FBXL2: variants seen among roughly 807,000 people sequenced by gnomAD.
FBXL2 encodes the protein F-box/LRR-repeat protein 2.
FBXL2 carries 38 observed loss-of-function variants against 69.2 expected under a neutral mutation model. The observed-to-expected ratio is 0.55, with a 90% CI of 0.42 to 0.72. The LOEUF is 0.72. Ranked by LOEUF, FBXL2 falls within the 30% of genes least tolerant of loss-of-function variation. FBXL2 has a pLI of 0.00. For missense variants in FBXL2, 354 were observed against 520.3 expected (o/e 0.68, Z 3.11); for synonymous variants, 192 against 201.3 (o/e 0.95, Z 0.39).
chr3:33,406,411 A>G (rs1373528268), downstream of FBXL2, among the ~76,000 whole-genome samples: 1 of 152,164 alleles, frequency 6.6e-6, no homozygotes, highest in African/African-American at 2.4e-5. Context: ...TATCTGAAAG[A>G]TTTTCCTGCT....
intron 2 of FBXL2, among the ~76,000 whole-genome samples, chr3:33,312,801 A>G (rs1413436318): frequency 6.6e-6 from 1 of 152,180 alleles, no homozygotes; most frequent in East Asian, 1.9e-4. Context: ...ATTTTCAGGA[A>G]TAAGAGAGGA....
chr3:33,339,805 G>A (rs1424597491), intron 2 of FBXL2, among the ~76,000 whole-genome samples: 9 of 152,320 alleles, frequency 5.9e-5, no homozygotes, highest in Non-Finnish European at 1.3e-4. Context: ...ATAAATGTAT[G>A]TGTCTACCAA....
At chr3:33,406,469 G>A (rs2044431092), downstream of FBXL2, among the ~76,000 whole-genome samples, 1 of 152,020 alleles carries the variant, frequency 6.6e-6, no homozygotes, top group Non-Finnish European at 1.5e-5. Context: ...TAACATACAT[G>A]TATAAATAAT....
intron 2 of FBXL2, among the ~76,000 whole-genome samples, chr3:33,316,100 C>T (rs897289627): frequency 4.0e-5 from 6 of 151,484 alleles, no homozygotes; most frequent in African/African-American, 2.4e-5. Flanking sequence ...ACTCTATTGC[C>T]CAGGCTGGAG....
the FBXL2 span, chr3:33,416,185 G>C: frequency 6.6e-6 from 1 of 152,170 alleles, no homozygotes; most frequent in Non-Finnish European, 1.5e-5. Flanking sequence ...CCCCAATTAA[G>C]ATTCTTTCAT....
In FBXL2 at chr3:33,354,062, A is replaced by G. The variant is rs78897518; in HGVS notation, c.66-4905A>G. Among the ~76,000 whole-genome samples the G allele has an allele frequency of 9.2e-3, 1,404 of 152,328 alleles. 18 individuals carry two copies. The highest frequency in any genetic ancestry group is 0.032 in the African/African-American group (1,311 of 41,562). On this transcript the variant is annotated intron_variant, in intron 2 of 14. Transcript: ENST00000484457. ...TATAATACAGAGTGAACTTTGTTGTAAACTATAGACCTTAGTTAATAATAA... is the reference window on the plus strand; with the variant it reads ...TATAATACAGAGTGAACTTTGTTGTGAACTATAGACCTTAGTTAATAATAA...
chr3:33,421,669 A>G, the FBXL2 span, among the ~76,000 whole-genome samples: 2 of 152,240 alleles, frequency 1.3e-5, no homozygotes, highest in African/African-American at 4.8e-5. Flanking sequence ...ACTTGCTCCA[A>G]TTTCTACTGA....
Position 33,385,887 on chromosome 3 carries a change from G to A in FBXL2, c.*279G>A. 2.2e-6 allele frequency: 1 copy of A among 448,460 alleles called. No homozygotes were observed. The highest frequency in any genetic ancestry group is 4.0e-6 in the Non-Finnish European group (1 of 247,754). The allele number at this position is 448,460 out of a possible 1,614,324, so 27.8% of individuals were successfully genotyped here. A position where few individuals can be genotyped will look rare whatever the true frequency, so the allele number is the denominator to read the frequency against. ...AGAAACCTGGATCTCTTAAGAGATTGGTACCTACCTAGGTACGAAAGTTCT... is the reference window on the plus strand; with the variant it reads ...AGAAACCTGGATCTCTTAAGAGATTAGTACCTACCTAGGTACGAAAGTTCT... On this transcript the variant is annotated 3_prime_UTR_variant, in exon 15 of 15. Transcript: ENST00000484457.
intron 1 of FBXL2, among the ~76,000 whole-genome samples, chr3:33,287,256 A>G (rs74871417): frequency 0.069 from 10,482 of 152,206 alleles, 474 homozygotes; most frequent in South Asian, 0.11. Context: ...ATGTTAATAG[A>G]TCAAGGAAAG....
exon 13 of FBXL2, chr3:33,403,471 C>G (rs2044306990): frequency 6.8e-6 from 1 of 147,122 alleles, no homozygotes; most frequent in Non-Finnish European, 1.4e-5. Flanking sequence ...CAACTGTGTA[C>G]AGTACTACAT....
chr3:33,365,338 G>T (rs968213700), intron 5 of FBXL2, among the ~76,000 whole-genome samples: 1 of 150,756 alleles, frequency 6.6e-6, no homozygotes, highest in South Asian at 2.1e-4. Flanking sequence ...GGAGTGCAAC[G>T]GCACAATCTC....
intron 1 of FBXL2, among the ~76,000 whole-genome samples, chr3:33,290,581 GA>G (rs1296242987): frequency 6.6e-6 from 1 of 152,158 alleles, no homozygotes; most frequent in Non-Finnish European, 1.5e-5. Context: ...TGCTAGAAAT[GA>G]AAAATATATT....
chr3:33,383,827 G>C, intron 13 of FBXL2, 162 bp from the exon 14 acceptor site: 1 of 622,802 alleles, frequency 1.6e-6, no homozygotes, highest in Non-Finnish European at 2.8e-6. Flanking sequence ...ACTTCTCATA[G>C]TTCTGAAGGC....
At chr3:33,379,042 CTA>C (rs2042835224) in intron 13 of FBXL2, among the ~76,000 whole-genome samples, 1 of 151,262 alleles carries the variant, frequency 6.6e-6, no homozygotes, top group Non-Finnish European at 1.5e-5. Flanking sequence ...GGGTCTCACT[CTA>C]TCGCCTAGGG....
At chr3:33,347,889 G>T (rs1387394671) in intron 2 of FBXL2, among the ~76,000 whole-genome samples, 2 of 151,742 alleles carry the variant, frequency 1.3e-5, no homozygotes, top group African/African-American at 2.4e-5. Context: ...TTCCTATAGG[G>T]TTGTTTGAGC....
At chr3:33,312,078 A>G (rs563223217) in intron 2 of FBXL2, among the ~76,000 whole-genome samples, 47 of 151,952 alleles carry the variant, frequency 3.1e-4, no homozygotes, top group Non-Finnish European at 5.9e-4. Flanking sequence ...TTATTTTGAG[A>G]CAGGGTCTCA....
chr3:33,369,476 T>G (rs981702041), intron 5 of FBXL2, among the ~76,000 whole-genome samples: 2 of 152,212 alleles, frequency 1.3e-5, no homozygotes, highest in Non-Finnish European at 2.9e-5. Flanking sequence ...ACAGTCTACC[T>G]TCATATTGTA....
intron 11 of FBXL2, among the ~76,000 whole-genome samples, chr3:33,377,568 T>G (rs2042726120): frequency 6.6e-6 from 1 of 152,112 alleles, no homozygotes; most frequent in Non-Finnish European, 1.5e-5. Context: ...GGGACCAGCC[T>G]CCTCCTGGCA....
chr3:33,389,892 G>A, downstream of FBXL2: 1 of 164,700 alleles, frequency 6.1e-6, no homozygotes, highest in Non-Finnish European at 1.3e-5. Context: ...CCCCACAACA[G>A]CACTGTCCCC....
Sources: allele counts gnomAD v4.1 joint callset (sites outside exome capture counted in the v4.1 genomes callset), GRCh38; gene constraint gnomAD v4.1.1; transcripts MANE v1.5; gene names NCBI Gene and HGNC (gene_info 2026-07-23, HGNC 2026-07-21).